The following MAK variants were observed in gnomAD, a reference collection of about 807,000 sequenced individuals.
MAK encodes the protein serine/threonine-protein kinase MAK.
In MAK, 65 loss-of-function variants were observed where a neutral mutation model predicts 82.6. The ratio of observed to expected loss-of-function variants is 0.79; its 90% CI spans 0.64 to 0.97. The LOEUF (loss-of-function observed/expected upper bound fraction) is 0.97. Ranked by LOEUF, MAK falls within the 50% of genes least tolerant of loss-of-function variation. MAK has a pLI of 0.00. For missense variants in MAK, 703 were observed against 780.2 expected (o/e 0.90, Z 1.18); for synonymous variants, 250 against 274.2 (o/e 0.91, Z 0.87).
intron 4 of MAK, 96 bp downstream of exon 4, chr6:10,817,754 G>T: frequency 1.9e-6 from 2 of 1,030,800 alleles, no homozygotes; most frequent in Non-Finnish European, 2.8e-6. Context: ...TTACCTTTTG[G>T]AGCAATCAAT....
At chr6:10,817,468 C>T (rs1777583206) in intron 4 of MAK, among the ~76,000 whole-genome samples, 1 of 152,194 alleles carries the variant, frequency 6.6e-6, no homozygotes, top group African/African-American at 2.4e-5. Flanking sequence ...CAACTTCATT[C>T]CTTTCTCCAT....
At chr6:10,822,991 T>G (rs1247185268) in intron 2 of MAK, among the ~76,000 whole-genome samples, 2 of 152,332 alleles carry the variant, frequency 1.3e-5, no homozygotes, top group East Asian at 3.9e-4. Context: ...TTTTGTTCAG[T>G]GTAGTGTTCT....
chr6:10,776,275 G>A lies in MAK; in HGVS notation c.1466-816C>T, dbSNP rs563321648. ...AATGGAAACAGTTTATCCCCTGTGC[G>A]CCAGAAAGAAGTCATTGCAAATGTA... is the stretch of plus-strand genomic sequence containing the variant. On this transcript the variant is annotated intron_variant, in intron 11 of 14. Coordinates refer to ENST00000354489, the MANE Select transcript of MAK (RefSeq NM_001242957.3). This position sits in a 1 kb window ranked among gnomAD's most constrained non-coding sequence, Gnocchi z 4.3. 1.3e-5 allele frequency among the ~76,000 whole-genome samples: 2 copies of A among 152,136 alleles called. No individual in the cohort carries two copies. Among genetic ancestry groups the A allele is most frequent in the Non-Finnish European group, 2.9e-5 (2 of 68,044 alleles).
chr6:10,779,426 ACT>A (rs1446238661), intron 11 of MAK: 1 of 984,860 alleles, frequency 1.0e-6, no homozygotes, highest in Non-Finnish European at 1.2e-6. Context: ...AGTAACTATG[ACT>A]CTTGCGTCTC....
Position 10,800,094 on chromosome 6 carries a change from TG to T in MAK, c.831+1797del, listed in dbSNP as rs33910530. Among the ~76,000 whole-genome samples, 5,366 of 151,156 alleles carry T rather than the reference TG, an allele frequency of 0.035. 253 individuals carry two copies. The highest frequency in any genetic ancestry group is 0.12 in the African/African-American group (4,953 of 41,198). On this transcript the variant is annotated intron_variant, in intron 8 of 14. Transcript: ENST00000354489. This position sits in a 1 kb window ranked among gnomAD's most constrained non-coding sequence, Gnocchi z 4.2. ...AAAAAACTAAACAAAAAAACCCCTC[TG>T]GTCTCTACAAAAATACAAAAATAAG...
At chr6:10,814,306 A>G (rs962092337) in intron 4 of MAK, among the ~76,000 whole-genome samples, 7 of 152,182 alleles carry the variant, frequency 4.6e-5, no homozygotes, top group African/African-American at 1.4e-4. Context: ...AGAAGAGCAA[A>G]GCAAGTTGAA....
intron 4 of MAK, among the ~76,000 whole-genome samples, chr6:10,815,277 T>C (rs1007278449): frequency 6.6e-6 from 1 of 152,172 alleles, no homozygotes; most frequent in Non-Finnish European, 1.5e-5. Context: ...AAAACAATGT[T>C]TTTTTAATTA....
intron 13 of MAK, among the ~76,000 whole-genome samples, chr6:10,771,305 AG>A (rs1407804865): frequency 6.6e-6 from 1 of 152,184 alleles, no homozygotes; most frequent in Non-Finnish European, 1.5e-5. Context: ...TAGGAGGAAC[AG>A]GGTATGGAAA....
chr6:10,764,468 T>C lies in MAK; in HGVS notation c.1931A>G (p.Tyr644Cys). The change falls in exon 15 of 15, where the codon TAT becomes TGT. Residue 644 changes from tyrosine to cysteine, a missense_variant. Tyr to Cys is a radical substitution (Grantham distance 194). Transcript: ENST00000354489. ...VHGRTDWVAKYGGHR is the reference protein window; with the variant it reads ...VHGRTDWVAKCGGHR Reference sequence around the variant, plus strand: ...CATAGACTCCTACCGGTGGCCTCCATACTTGGCCACCCAGTCTGTCCTCCC... The same window carrying C: ...CATAGACTCCTACCGGTGGCCTCCACACTTGGCCACCCAGTCTGTCCTCCC... 5 of 1,614,072 alleles carry C rather than the reference T, an allele frequency of 3.1e-6. No homozygotes were observed. Among genetic ancestry groups the C allele is most frequent in the Non-Finnish European group, 4.2e-6 (5 of 1,179,966 alleles).
At chr6:10,833,638 A>C (rs1207059789) in intron 1 of MAK, among the ~76,000 whole-genome samples, 3 of 149,802 alleles carry the variant, frequency 2.0e-5, no homozygotes, top group Non-Finnish European at 4.4e-5. Context: ...AATAATAATA[A>C]TAGGGAGTAC....
intron 2 of MAK, among the ~76,000 whole-genome samples, chr6:10,821,669 AC>A (rs1475985754): frequency 2.6e-5 from 4 of 152,136 alleles, no homozygotes; most frequent in African/African-American, 9.7e-5. Context: ...CTTTCATTCT[AC>A]CTGTAAAATC....
chr6:10,787,858 CAAAAA>C (rs56983445), intron 10 of MAK, among the ~76,000 whole-genome samples: 2 of 129,828 alleles, frequency 1.5e-5, no homozygotes, highest in Non-Finnish European at 1.7e-5. Flanking sequence ...GAGACTGTCT[CAAAAA>C]AAAAAAAAAA....
In MAK at chr6:10,784,529, C is replaced by T. The variant is rs1037177330; in HGVS notation, c.1360G>A (p.Glu454Lys). 6.2e-7 allele frequency: 1 copy of T among 1,614,036 alleles called. No homozygotes were observed. Among genetic ancestry groups the T allele is most frequent in the Admixed American group, 1.7e-5 (1 of 60,000 alleles). Residue 454 changes from glutamate to lysine, a missense_variant, in exon 11 of 15, where the codon GAA becomes AAA. Transcript: ENST00000354489. The stretch of plus-strand genomic sequence containing the variant: ...GTAACAGCAGGTAAGCTCTTGTTTT[C>T]CCCTGTCGAGTGGTTGGAGCCTGAG... ...VPSGSNHSTG[E>K]NKSLPAVTSL... is the part of the protein sequence containing the mutation.
At chr6:10,801,721 T>C (rs1035170500) in intron 8 of MAK, among the ~76,000 whole-genome samples, 171 bp downstream of exon 8, 3 of 152,236 alleles carry the variant, frequency 2.0e-5, no homozygotes, top group Admixed American at 6.5e-5. Context: ...CTCCCAATGA[T>C]ATTATATGCC....
At chr6:10,825,850 A>G (rs904393877) in intron 2 of MAK, among the ~76,000 whole-genome samples, 5 of 152,100 alleles carry the variant, frequency 3.3e-5, no homozygotes, top group African/African-American at 2.4e-5. Flanking sequence ...CTGTCAGGCC[A>G]CCACCACTTC....
In MAK at chr6:10,775,782, TTTTTGTTTTG is replaced by T. The variant is rs781059587; in HGVS notation, c.1466-333_1466-324del. On this transcript the variant is annotated intron_variant, in intron 11 of 14. Transcript: ENST00000354489. Reference sequence around the variant, plus strand: ...ATTTTTCTTCAACAACACGACGTTTTTTTTGTTTTGTTTTGTTTTGTTTTGAGACAGGGTC... The same window carrying T: ...ATTTTTCTTCAACAACACGACGTTTTTTTTGTTTTGTTTTGAGACAGGGTC... Among the ~76,000 whole-genome samples, 16 of 152,236 alleles carry T rather than the reference TTTTTGTTTTG, an allele frequency of 1.1e-4. No individual in the cohort carries two copies. In the South Asian group the frequency reaches 1.9e-3, roughly 18 times the overall value.
rs1262530284 is a variant in MAK at position 10,764,442 on chromosome 6, C to T, written c.*10G>A. On this transcript the variant is annotated 3_prime_UTR_variant, in exon 15 of 15. Transcript: ENST00000354489. ...CGGAGCAATGCTGTAGGGTTTCACA[C>T]CATAGACTCCTACCGGTGGCCTCCA... The T allele has an allele frequency of 1.2e-6, 2 of 1,613,528 alleles. No individual in the cohort carries two copies. The highest frequency in any genetic ancestry group is 1.7e-6 in the Non-Finnish European group (2 of 1,179,764).
At chr6:10,784,284 G>A (rs1774306222) in intron 11 of MAK, 140 bp downstream of exon 11, 1 of 795,510 alleles carries the variant, frequency 1.3e-6, no homozygotes, top group Admixed American at 2.1e-5. Flanking sequence ...AAAAGTCCTT[G>A]GCGACAGACT....
chr6:10,787,751 C>T (rs1774704788), intron 10 of MAK, among the ~76,000 whole-genome samples: 1 of 151,354 alleles, frequency 6.6e-6, no homozygotes, highest in South Asian at 2.1e-4. Context: ...GTCCCAGCTA[C>T]TCGGGAGGCT....
Sources: allele counts gnomAD v4.1 joint callset (sites outside exome capture counted in the v4.1 genomes callset), GRCh38; gene constraint gnomAD v4.1.1; non-coding constraint Gnocchi (gnomAD v3.1); transcripts MANE v1.5; gene names NCBI Gene and HGNC (gene_info 2026-07-23, HGNC 2026-07-21).